Variants in HENMT1 observed in about 807,000 individuals in gnomAD.
HENMT1 encodes HEN methyltransferase 1, also known as small RNA 2'-O-methyltransferase.
In HENMT1, 27 loss-of-function variants were observed where a neutral mutation model predicts 31.1. The observed-to-expected ratio is 0.87, with a 90% CI of 0.64 to 1.20. The LOEUF is 1.20. Ranked by LOEUF, HENMT1 falls within the 50% of genes most tolerant of loss-of-function variation. The pLI is 0.00. For missense variants in HENMT1, 438 were observed against 469.6 expected, an observed-to-expected ratio of 0.93 and a Z score of 0.62; for synonymous variants, 167 against 172.2, an observed-to-expected ratio of 0.97 and a Z score of 0.24.
At chr1:108,654,692 A>G in intron 5 of HENMT1, 24 bp downstream of exon 5, 1 of 1,611,842 alleles carries the variant, frequency 6.2e-7, no homozygotes, top group African/African-American at 1.3e-5. Context: ...GAACAGTTAT[A>G]CAGTGTATCA....
chr1:108,652,256 T>C (rs1374737909), intron 5 of HENMT1, among the ~76,000 whole-genome samples: 1 of 152,236 alleles, frequency 6.6e-6, no homozygotes, highest in African/African-American at 2.4e-5. Flanking sequence ...TGTATCAATG[T>C]TCAATTTCCT....
At position 108,654,748 on chromosome 1, in the gene HENMT1, C is replaced by A. The variant is rs1228947120; in HGVS notation, c.366G>T (p.Leu122Phe). Residue 122 changes from leucine (L) to phenylalanine (F), a missense_variant, in exon 5 of 8, where the codon TTG becomes TTT. Physicochemically the swap from Leu to Phe is conservative, Grantham distance 22 (BLOSUM62 0). Transcript: ENST00000651461. ...HGSVVERDSR[L>F]LGFDLITCIE... ...TACACGTTATCAAGTCAAATCCAAG[C>A]AAACGAGAGTCTCTCTCCACAACGG... 1 of 1,614,082 alleles carries A rather than the reference C, an allele frequency of 6.2e-7. No homozygotes were observed. Among genetic ancestry groups the A allele is most frequent in the Non-Finnish European group, 8.5e-7 (1 of 1,179,962 alleles).
chr1:108,657,446 C>T lies in HENMT1; in HGVS notation c.150+5G>A, dbSNP rs769648050. On this transcript the variant is annotated splice_donor_5th_base_variant and intron_variant, in intron 3 of 7. Coordinates refer to ENST00000651461, the MANE Select transcript of HENMT1 (RefSeq NM_001102592.2). ...AATTAAATGTTTGGAAAGAGAAATACCTACCTTCTTAGGCTCATGTTGATC... is the reference window on the plus strand; with the variant it reads ...AATTAAATGTTTGGAAAGAGAAATATCTACCTTCTTAGGCTCATGTTGATC... 1.3e-6 allele frequency: 2 copies of T among 1,593,550 alleles called. No individual in the cohort carries two copies. The highest frequency in any genetic ancestry group is 1.7e-6 in the Non-Finnish European group (2 of 1,164,368).
intron 7 of HENMT1, chr1:108,649,257 T>C: frequency 1.7e-6 from 1 of 581,246 alleles, no homozygotes; most frequent in South Asian, 1.5e-5. Context: ...GTATTTCTAC[T>C]TGATATTACA....
At chr1:108,654,243 GTC>G (rs1457341796) in intron 5 of HENMT1, among the ~76,000 whole-genome samples, 1 of 152,138 alleles carries the variant, frequency 6.6e-6, no homozygotes, top group Non-Finnish European at 1.5e-5. Flanking sequence ...ATTGGTCTAT[GTC>G]TCTGTTTTTA....
chr1:108,654,696 T>C lies in HENMT1; in HGVS notation c.398+20A>G, dbSNP rs1557740195. The C allele has an allele frequency of 3.7e-6, 6 of 1,612,690 alleles. No individual in the cohort carries two copies. Among genetic ancestry groups the C allele is most frequent in the East Asian group, 2.2e-5 (1 of 44,866 alleles). On this transcript the variant is annotated intron_variant, in intron 5 of 7. Transcript: ENST00000651461. ...GCTTTTCAAATGAACAGTTATACAG[T>C]GTATCAGTTTAAAACTTACAATTCA...
At chr1:108,654,930 G>A in intron 4 of HENMT1, 80 bp from the exon 5 acceptor site, 1 of 1,378,694 alleles carries the variant, frequency 7.3e-7, no homozygotes, top group Non-Finnish European at 1.0e-6. Flanking sequence ...CAGATCCTCT[G>A]ATAATTATCT....
intron 1 of HENMT1, among the ~76,000 whole-genome samples, 169 bp from the exon 2 acceptor site, chr1:108,660,131 A>AAAC (rs368825105): frequency 4.6e-5 from 7 of 151,482 alleles, no homozygotes; most frequent in African/African-American, 1.7e-4. Flanking sequence ...CAAAAAAAAA[A>AAAC]AAAAAAACAC....
intron 5 of HENMT1, among the ~76,000 whole-genome samples, chr1:108,652,294 G>T (rs909402245): frequency 1.3e-5 from 2 of 152,216 alleles, no homozygotes; most frequent in East Asian, 3.8e-4. Context: ...ATGGTAAGAA[G>T]TCTTTGTTCT....
chr1:108,656,864 T>C (rs1000237633), intron 3 of HENMT1, among the ~76,000 whole-genome samples: 3 of 152,290 alleles, frequency 2.0e-5, no homozygotes, highest in Middle Eastern at 6.8e-3. Flanking sequence ...ACCTACAAGA[T>C]CACATCCAAC....
In HENMT1 at chr1:108,651,196, C is replaced by A; in HGVS notation, c.412G>T (p.Asp138Tyr). ...ITCIELIEHL[D>Y]SGDLARFPEV... ...GGAAATCTGGCCAGATCACCTGAAT[C>A]CAAATGTTCTATTCTAAAATGGTTA... The change falls in exon 6 of 8, where the codon GAT becomes TAT. Residue 138 changes from aspartate (D) to tyrosine (Y), a missense_variant. Physicochemically the swap from Asp to Tyr is radical, Grantham distance 160. Transcript: ENST00000651461. 2 of 1,612,990 alleles carry A rather than the reference C, an allele frequency of 1.2e-6. No homozygotes were observed. The highest frequency in any genetic ancestry group is 2.2e-5 in the East Asian group (1 of 44,870).
intron 5 of HENMT1, among the ~76,000 whole-genome samples, chr1:108,654,013 G>A (rs774061589): frequency 5.3e-5 from 8 of 152,132 alleles, no homozygotes; most frequent in Non-Finnish European, 8.8e-5. Flanking sequence ...TACTTTCATA[G>A]TTTTAGGTCT....
intron 1 of HENMT1, 114 bp downstream of exon 1, chr1:108,660,848 CG>C (rs1179344414): frequency 3.0e-6 from 1 of 331,554 alleles, no homozygotes; most frequent in Non-Finnish European, 4.3e-6. Context: ...GGCATGAACC[CG>C]GGAGGCGGAG....
intron 6 of HENMT1, 104 bp from the exon 7 acceptor site, chr1:108,650,492 T>C (rs532688303): frequency 5.8e-4 from 565 of 978,518 alleles, no homozygotes; most frequent in Non-Finnish European, 7.7e-4. Context: ...AAAAATACAA[T>C]GAACATAAAT....
At position 108,648,408 on chromosome 1, in the gene HENMT1, G is replaced by A; in HGVS notation, c.*158C>T. On this transcript the variant is annotated 3_prime_UTR_variant, in exon 8 of 8. Transcript: ENST00000651461. ...TCTTTCTCAGGGCTCACTGCAGTCT[G>A]GCCATATCTCAAGCAGGTCTGTCCA... is the stretch of plus-strand genomic sequence containing the variant. 1.6e-6 allele frequency: 1 copy of A among 640,876 alleles called. No individual in the cohort carries two copies. Among genetic ancestry groups the A allele is most frequent in the South Asian group, 2.0e-5 (1 of 49,778 alleles). The allele number at this position is 640,876 out of a possible 1,614,324, so 39.7% of individuals were successfully genotyped here.
Position 108,657,533 on chromosome 1 carries a change from G to C in HENMT1, c.68C>G (p.Thr23Arg). The change falls in exon 3 of 8, where the codon ACG becomes AGG. Residue 23 changes from threonine to arginine, a missense_variant. Transcript: ENST00000651461. The part of the protein sequence containing the change: ...DGNFEEVPRE[T>R]AIQFKPPLYR... ...TAGTGGAGGTTTAAACTGAATTGCC[G>C]TCTCCCTGGGAACTTCTTCAAAATT... 3 of 1,612,780 alleles carry C rather than the reference G, an allele frequency of 1.9e-6. No individual in the cohort carries two copies.
At chr1:108,649,642 G>A (rs911352984) in intron 7 of HENMT1, among the ~76,000 whole-genome samples, 4 of 152,138 alleles carry the variant, frequency 2.6e-5, no homozygotes, top group Non-Finnish European at 5.9e-5. Context: ...TTAAAGAGGG[G>A]GAGGAAGTGT....
In HENMT1 at chr1:108,661,032, C is replaced by T; in HGVS notation, c.-148G>A. 1 of 984,666 alleles carries T rather than the reference C, an allele frequency of 1.0e-6. No individual in the cohort carries two copies. The highest frequency in any genetic ancestry group is 1.2e-6 in the Non-Finnish European group (1 of 829,258). 61.0% of individuals were successfully genotyped at this position (984,666 alleles called of 1,614,324 possible). A position where few individuals can be genotyped will look rare whatever the true frequency, so the allele number is the denominator to read the frequency against. On this transcript the variant is annotated 5_prime_UTR_variant, in exon 1 of 8. Coordinates refer to ENST00000651461, the MANE Select transcript of HENMT1 (RefSeq NM_001102592.2). ...TCCTGCGGTAAGCAGCATGCCCAAC[C>T]GAAAAAACAAAGCTCGTCGCGGAGC... is the stretch of plus-strand genomic sequence containing the variant.
Position 108,648,553 on chromosome 1 carries a change from A to G in HENMT1, c.*13T>C. 3.7e-6 allele frequency: 6 copies of G among 1,604,518 alleles called. No individual in the cohort carries two copies. The highest frequency in any genetic ancestry group is 5.1e-6 in the Non-Finnish European group (6 of 1,172,786). On this transcript the variant is annotated 3_prime_UTR_variant, in exon 8 of 8. Coordinates refer to ENST00000651461, the MANE Select transcript of HENMT1 (RefSeq NM_001102592.2). ...ATCGCTGAGACCCTGAAATTTCAGG[A>G]AATAAACATGGTTCAAAACTCAAAC...
Sources: gnomAD v4.1 joint callset for allele counts (sites outside exome capture counted in the v4.1 genomes callset) on GRCh38, gnomAD v4.1.1 for gene constraint, MANE v1.5 for transcripts, NCBI Gene and HGNC (gene_info 2026-07-23, HGNC 2026-07-21) for gene names.